The following CD163L1 variants were observed in gnomAD, a reference collection of about 807,000 sequenced individuals.
CD163L1 encodes CD163 molecule like 1, also known as scavenger receptor cysteine-rich type 1 protein M160.
A neutral mutation model predicts 165.4 loss-of-function variants in CD163L1; 124 were observed. The observed-to-expected ratio is 0.75, with a 90% confidence interval of 0.65 to 0.87. The LOEUF is 0.87. Ranked by LOEUF, CD163L1 falls within the 40% of genes least tolerant of loss-of-function variation. CD163L1 has a pLI of 0.00. For missense variants in CD163L1, 1,525 were observed against 1,799.9 expected, an observed-to-expected ratio of 0.85 and a Z score of 2.76; for synonymous variants, 585 against 662.2, an observed-to-expected ratio of 0.88 and a Z score of 1.79.
chr12:7,319,263 C>T, the CD163L1 span, among the ~76,000 whole-genome samples: 1 of 152,082 alleles, frequency 6.6e-6, no homozygotes, highest in Non-Finnish European at 1.5e-5. Flanking sequence ...CCACCATTGA[C>T]CTGACAGGAG....
chr12:7,327,031 A>T, the CD163L1 span: 1 of 1,612,794 alleles, frequency 6.2e-7, no homozygotes, highest in Non-Finnish European at 8.5e-7. Flanking sequence ...AACCCAGAGA[A>T]ATTAACTCTT....
chr12:7,424,114 C>G (rs1253933155), intron 4 of CD163L1, among the ~76,000 whole-genome samples: 1 of 151,588 alleles, frequency 6.6e-6, no homozygotes, highest in African/African-American at 2.4e-5. Flanking sequence ...AGCAGCACAT[C>G]AAAGCTTATC....
chr12:7,401,818 T>A (rs1046377745), intron 6 of CD163L1, among the ~76,000 whole-genome samples: 3 of 148,766 alleles, frequency 2.0e-5, no homozygotes, highest in Non-Finnish European at 4.5e-5. Context: ...AAAAAATTAT[T>A]TTTTTTTTGT....
At position 7,367,233 on chromosome 12, in the gene CD163L1, G is replaced by C. The variant is rs1188199152; in HGVS notation, c.4279+3C>G. ...GGAGTGCGGCCCCTGGAGTTGCACA[G>C]ACCTGAGGTTCTTGTCCCATGTGGG... is the stretch of plus-strand genomic sequence containing the variant. On this transcript the variant is annotated splice_donor_region_variant and intron_variant, in intron 18 of 19. Coordinates refer to ENST00000313599, the MANE Select transcript of CD163L1 (RefSeq NM_174941.6). 1 of 1,605,576 alleles carries C rather than the reference G, an allele frequency of 6.2e-7. No homozygotes were observed. The highest frequency in any genetic ancestry group is 8.5e-7 in the Non-Finnish European group (1 of 1,172,864).
rs948343423 is a variant in CD163L1, at chr12:7,347,711, G to A, written c.*25-564C>T. On this transcript the variant is annotated intron_variant, in intron 4 of 4. Coordinates refer to the CD163L1 transcript ENST00000539726. This position sits in a 1 kb window ranked among gnomAD's most constrained non-coding sequence, Gnocchi z 4.2. ...GTGAACCTGGGAGGCGGAGCTTGCA[G>A]TGAACCAAGTTCACGCGCCACTGCA... 2.6e-5 allele frequency among the ~76,000 whole-genome samples: 4 copies of A among 151,944 alleles called. No individual in the cohort carries two copies. The highest frequency in any genetic ancestry group is 9.7e-5 in the African/African-American group (4 of 41,382).
the CD163L1 span, chr12:7,328,621 AAT>A: frequency 4.1e-6 from 1 of 242,480 alleles, no homozygotes; most frequent in Non-Finnish European, 8.0e-6. Context: ...TAGTGTTTAA[AAT>A]AGCAGGAATA....
chr12:7,346,860 G>GA (rs1459632392), exon 5 of CD163L1: 1 of 152,166 alleles, frequency 6.6e-6, no homozygotes, highest in East Asian at 1.9e-4. Context: ...CTCTCTGGTG[G>GA]AAGCGAGCCC....
intron 6 of CD163L1, among the ~76,000 whole-genome samples, chr12:7,401,150 C>G (rs748647370): frequency 6.6e-6 from 1 of 152,262 alleles, no homozygotes; most frequent in Admixed American, 6.5e-5. Flanking sequence ...GTTACTTTCT[C>G]TCAGTACCTC....
rs1340687372 is a variant in CD163L1, at chr12:7,380,334, C to CGCGT, written c.2051-1037_2051-1036insACGC. ...ATATACATACATATATGTATGTATA[C>CGCGT]ACGTATACATACATGTATGTGTGTA... On this transcript the variant is annotated intron_variant, in intron 8 of 19. Transcript: ENST00000313599. 4.7e-3 allele frequency among the ~76,000 whole-genome samples: 683 copies of CGCGT among 146,638 alleles called. 5 individuals carry two copies. Among genetic ancestry groups the CGCGT allele is most frequent in the East Asian group, 0.013 (64 of 5,076 alleles).
chr12:7,343,546 T>G (rs1946650507), downstream of CD163L1, among the ~76,000 whole-genome samples: 1 of 152,042 alleles, frequency 6.6e-6, no homozygotes, highest in Non-Finnish European at 1.5e-5. Context: ...AGCCAGCATA[T>G]CATACAGAGA....
chr12:7,360,469 C>T (rs1021439948), intron 18 of CD163L1, among the ~76,000 whole-genome samples: 5 of 152,112 alleles, frequency 3.3e-5, no homozygotes, highest in Non-Finnish European at 5.9e-5. Flanking sequence ...GATATATTCC[C>T]ATGGATTCCT....
At position 7,355,467 on chromosome 12, in the gene CD163L1, C is replaced by T. The variant is rs141715053; in HGVS notation, c.*25-337G>A. On this transcript the variant is annotated intron_variant, in intron 19 of 19. Coordinates refer to ENST00000313599, the MANE Select transcript of CD163L1 (RefSeq NM_174941.6). ...CATATGGTTTTGGTTTTTGGAACAC[C>T]TCTGGAAATTAATCTTTCAAAAGTT... Among the ~76,000 whole-genome samples, 1,271 of 152,108 alleles carry T rather than the reference C, an allele frequency of 8.4e-3. 9 individuals are homozygous for T. Among genetic ancestry groups the T allele is most frequent in the Middle Eastern group, 0.02 (6 of 294 alleles).
At position 7,403,416 on chromosome 12, in the gene CD163L1, T is replaced by A; in HGVS notation, c.1408+119A>T. 3.3e-6 allele frequency: 3 copies of A among 914,972 alleles called. No individual in the cohort carries two copies. In the African/African-American group the frequency reaches 5.0e-5, roughly 15 times the overall value. 56.7% of individuals were successfully genotyped at this position (914,972 alleles called of 1,614,324 possible). ...AAAAGTTCTTTGTGCAGCTTAAGAG[T>A]ATTTTGGGTTTTTTTTTAAGGTCCA... On this transcript the variant is annotated intron_variant, in intron 6 of 19. Coordinates refer to ENST00000313599, the MANE Select transcript of CD163L1 (RefSeq NM_174941.6).
chr12:7,367,972 A>G, intron 17 of CD163L1, 115 bp downstream of exon 17: 1 of 683,208 alleles, frequency 1.5e-6, no homozygotes, highest in South Asian at 1.8e-5. Context: ...GCACTTTCCA[A>G]TCCATCTCAC....
intron 2 of CD163L1, among the ~76,000 whole-genome samples, chr12:7,440,629 CTTT>C (rs71067189): frequency 2.1e-4 from 24 of 116,374 alleles, no homozygotes; most frequent in Admixed American, 5.2e-4. Context: ...TATCTTTTTT[CTTT>C]TTTTTTTTTT....
the CD163L1 span, among the ~76,000 whole-genome samples, chr12:7,340,631 G>C: frequency 6.6e-6 from 1 of 151,928 alleles, no homozygotes; most frequent in Non-Finnish European, 1.5e-5. Flanking sequence ...AGAACCCATA[G>C]GCAGAGGAAC....
At chr12:7,332,225 T>A in the CD163L1 span, among the ~76,000 whole-genome samples, 30,456 of 151,458 alleles carry the variant, frequency 0.2, 3,341 homozygotes, top group African/African-American at 0.3. Context: ...AGAAGAGAAG[T>A]TTAGAGAAAA....
chr12:7,359,602 T>G (rs1230342840), intron 18 of CD163L1, among the ~76,000 whole-genome samples: 1 of 151,992 alleles, frequency 6.6e-6, no homozygotes, highest in Non-Finnish European at 1.5e-5. Context: ...TTGCAAAAAA[T>G]TATACAAGAA....
intron 5 of CD163L1, among the ~76,000 whole-genome samples, chr12:7,406,107 G>A (rs2136530550): frequency 6.6e-6 from 1 of 152,236 alleles, no homozygotes; most frequent in Non-Finnish European, 1.5e-5. Flanking sequence ...TTATTTTAAT[G>A]AAAGGAAGTG....
Sources: allele counts gnomAD v4.1 joint callset (sites outside exome capture counted in the v4.1 genomes callset), GRCh38; gene constraint gnomAD v4.1.1; non-coding constraint Gnocchi (gnomAD v3.1); transcripts MANE v1.5; gene names NCBI Gene and HGNC (gene_info 2026-07-23, HGNC 2026-07-21).